The following RAB31 variants were observed in gnomAD, a reference collection of about 807,000 sequenced individuals.
RAB31 encodes RAB31, member RAS oncogene family, also known as ras-related protein Rab-31.
RAB31 carries 21 observed loss-of-function variants against 25.6 expected under a neutral mutation model. The ratio of observed to expected loss-of-function variants is 0.82; its 90% CI spans 0.58 to 1.18. The LOEUF (loss-of-function observed/expected upper bound fraction) is 1.18. Among genes scored for constraint, RAB31 ranks in the 50% most tolerant of loss-of-function variants. The pLI is 0.00. For missense variants in RAB31, 196 were observed against 250.1 expected (o/e 0.78, Z 1.46); for synonymous variants, 87 against 84.0 (o/e 1.04, Z -0.20).
At chr18:9,750,001 A>G (rs941279820) in intron 1 of RAB31, among the ~76,000 whole-genome samples, 1 of 152,136 alleles carries the variant, frequency 6.6e-6, no homozygotes, top group Non-Finnish European at 1.5e-5. Flanking sequence ...CTGTGTCATC[A>G]TATCTCCCTG....
At chr18:9,808,750 C>A (rs1178200370) in intron 3 of RAB31, among the ~76,000 whole-genome samples, 1 of 152,206 alleles carries the variant, frequency 6.6e-6, no homozygotes, top group East Asian at 1.9e-4. Flanking sequence ...GACAGAGCGT[C>A]CTCTGGAAAT....
At chr18:9,750,889 G>A (rs1397571988) in intron 1 of RAB31, among the ~76,000 whole-genome samples, 1 of 152,114 alleles carries the variant, frequency 6.6e-6, no homozygotes, top group Non-Finnish European at 1.5e-5. Flanking sequence ...GGGGGAGTGG[G>A]GGCAATGTAC....
At chr18:9,771,457 A>G (rs1251527552) in intron 1 of RAB31, among the ~76,000 whole-genome samples, 1 of 152,162 alleles carries the variant, frequency 6.6e-6, no homozygotes, top group Non-Finnish European at 1.5e-5. Flanking sequence ...TCTCTCTTCC[A>G]AGGCTCCTTC....
intron 3 of RAB31, among the ~76,000 whole-genome samples, chr18:9,801,265 T>C (rs2068512568): frequency 6.6e-6 from 1 of 152,036 alleles, no homozygotes; most frequent in African/African-American, 2.4e-5. Flanking sequence ...TGAACATTCA[T>C]GTACAATTCT....
chr18:9,753,731 C>T (rs2068246867), intron 1 of RAB31, among the ~76,000 whole-genome samples: 1 of 152,070 alleles, frequency 6.6e-6, no homozygotes, highest in Admixed American at 6.6e-5. Flanking sequence ...TGGCTCTAAC[C>T]CCATTTCTAC....
chr18:9,782,746 G>C (rs2068411630), intron 2 of RAB31, among the ~76,000 whole-genome samples: 1 of 152,092 alleles, frequency 6.6e-6, no homozygotes, highest in Non-Finnish European at 1.5e-5. Flanking sequence ...ACCCAGGCTG[G>C]AGTGCAGTGA....
intron 3 of RAB31, among the ~76,000 whole-genome samples, chr18:9,801,792 T>C (rs1468165293): frequency 6.6e-6 from 1 of 152,244 alleles, no homozygotes; most frequent in East Asian, 1.9e-4. Context: ...TGCATTTTCT[T>C]CTGAGAGTTT....
intron 1 of RAB31, among the ~76,000 whole-genome samples, chr18:9,713,139 TGTATGACAGA>T (rs2068026349): frequency 6.6e-6 from 1 of 152,248 alleles, no homozygotes; most frequent in South Asian, 2.1e-4. Flanking sequence ...CTATGAGCAC[TGTATGACAGA>T]GTATCCAATA....
chr18:9,842,666 G>A (rs1006207300), intron 5 of RAB31, among the ~76,000 whole-genome samples: 1 of 152,270 alleles, frequency 6.6e-6, no homozygotes, highest in South Asian at 2.1e-4. Flanking sequence ...CAACTGCAGT[G>A]CATGTGACAG....
At chr18:9,796,694 T>C (rs1305924696) in intron 3 of RAB31, among the ~76,000 whole-genome samples, 1 of 152,146 alleles carries the variant, frequency 6.6e-6, no homozygotes, top group Non-Finnish European at 1.5e-5. Flanking sequence ...TGAATGATTA[T>C]AGCTTTACCC....
At chr18:9,737,803 G>T (rs1281845824) in intron 1 of RAB31, among the ~76,000 whole-genome samples, 2 of 152,192 alleles carry the variant, frequency 1.3e-5, no homozygotes, top group Non-Finnish European at 2.9e-5. Context: ...GGCTGAAATA[G>T]TCCATAGCAT....
At chr18:9,777,209 C>T (rs866302427) in intron 2 of RAB31, among the ~76,000 whole-genome samples, 4 of 152,084 alleles carry the variant, frequency 2.6e-5, no homozygotes, top group Non-Finnish European at 4.4e-5. Flanking sequence ...GATGTGGTGG[C>T]ACGCGCCTAT....
intron 1 of RAB31, among the ~76,000 whole-genome samples, chr18:9,719,100 T>G (rs1189049695): frequency 1.3e-5 from 2 of 150,556 alleles, no homozygotes; most frequent in African/African-American, 4.9e-5. Flanking sequence ...TGAAACCCCC[T>G]CTCTGCTAAA....
chr18:9,708,541 C>A lies in RAB31; in HGVS notation c.39+97C>A. ...GCGCGCTCAGTCCCCGTGATCCCCT[C>A]GCTCTCCGCACCCCTCTCGTAGCCC... is the stretch of plus-strand genomic sequence containing the variant. On this transcript the variant is annotated intron_variant, in intron 1 of 6. Transcript: ENST00000578921. The surrounding 1 kb of genome is among the most constrained non-coding windows in gnomAD (Gnocchi z 6.4). 9.0e-7 allele frequency: 1 copy of A among 1,107,306 alleles called. No individual in the cohort carries two copies. Among genetic ancestry groups the A allele is most frequent in the Non-Finnish European group, 1.2e-6 (1 of 812,844 alleles). The allele number at this position is 1,107,306 out of a possible 1,614,324, so 68.6% of individuals were successfully genotyped here.
Position 9,739,167 on chromosome 18 carries a change from C to A in RAB31, c.39+30723C>A, listed in dbSNP as rs571358881. Reference sequence around the variant, plus strand: ...AAATACATCTCGTAAATTTGGATTTCATTGCCTTAGAATTTCTAAGAATTT... The same window carrying A: ...AAATACATCTCGTAAATTTGGATTTAATTGCCTTAGAATTTCTAAGAATTT... On this transcript the variant is annotated intron_variant, in intron 1 of 6. Transcript: ENST00000578921. Among the ~76,000 whole-genome samples the A allele has an allele frequency of 3.9e-5, 6 of 152,318 alleles. No homozygotes were observed. The South Asian group carries it at 1.2e-3, about 32-fold the overall frequency.
chr18:9,765,176 C>T (rs1401131245), intron 1 of RAB31, among the ~76,000 whole-genome samples: 1 of 152,204 alleles, frequency 6.6e-6, no homozygotes, highest in Non-Finnish European at 1.5e-5. Flanking sequence ...TGGTCTTGAA[C>T]TCCTGGCCTC....
intron 5 of RAB31, among the ~76,000 whole-genome samples, chr18:9,834,507 A>T (rs773336720): frequency 3.4e-4 from 51 of 152,152 alleles, no homozygotes; most frequent in Non-Finnish European, 6.9e-4. Flanking sequence ...CTCCTCACTA[A>T]TTCAGCTGTC....
intron 6 of RAB31, among the ~76,000 whole-genome samples, chr18:9,850,831 C>T (rs1484258101): frequency 2.0e-5 from 3 of 151,810 alleles, no homozygotes; most frequent in Non-Finnish European, 4.4e-5. Flanking sequence ...GTGCCACCGC[C>T]CTGCAGCCTG....
intron 5 of RAB31, among the ~76,000 whole-genome samples, chr18:9,839,174 G>T (rs900442792): frequency 7.2e-5 from 11 of 152,156 alleles, no homozygotes; most frequent in African/African-American, 2.7e-4. Context: ...AGAGCATCTA[G>T]CCTGGTGGAG....
Sources: gnomAD v4.1 joint callset for allele counts (sites outside exome capture counted in the v4.1 genomes callset) on GRCh38, gnomAD v4.1.1 for gene constraint, Gnocchi (gnomAD v3.1) non-coding constraint, MANE v1.5 for transcripts, NCBI Gene and HGNC (gene_info 2026-07-23, HGNC 2026-07-21) for gene names.